The following USH2A variants were observed in gnomAD, a reference collection of about 807,000 sequenced individuals.
USH2A encodes Usher syndrome 2A (autosomal recessive, mild).
USH2A carries 443 observed loss-of-function variants against 538.9 expected under a neutral mutation model. That is an observed-to-expected ratio of 0.82 (90% CI 0.76 to 0.89). The LOEUF is 0.89. Ranked by LOEUF, USH2A falls within the 40% of genes least tolerant of loss-of-function variation. The pLI is 0.00. For synonymous variants in USH2A, 2,413 were observed against 2,273.5 expected, an observed-to-expected ratio of 1.06 and a Z score of -1.75; for missense variants, 6,633 against 6,324.8, an observed-to-expected ratio of 1.05 and a Z score of -1.65.
chr1:215,840,919 A>G (rs1466475006), intron 46 of USH2A, among the ~76,000 whole-genome samples: 8 of 152,198 alleles, frequency 5.3e-5, no homozygotes, highest in South Asian at 2.1e-4. Flanking sequence ...GTCTACCTGC[A>G]TACATGGACT....
chr1:215,685,312 A>G (rs1020849891), intron 61 of USH2A, among the ~76,000 whole-genome samples: 1 of 146,550 alleles, frequency 6.8e-6, no homozygotes, highest in Non-Finnish European at 1.5e-5. Flanking sequence ...GTCTAATACT[A>G]TTTTGCAAAA....
chr1:215,813,820 T>C lies in USH2A; in HGVS notation c.9655A>G (p.Thr3219Ala), dbSNP rs776395355. The change falls in exon 49 of 72, where the codon ACT (threonine) becomes GCT (alanine). Residue 3219 changes from threonine (T) to alanine (A), a missense_variant. Coordinates refer to ENST00000307340, the MANE Select transcript of USH2A (RefSeq NM_206933.4). ...EKYIPFVLNS[T>A]GVCCGGRIQE... ...ATTCGGCCACCACAACAAACTCCAGTAGAATTCAGAACAAACGGGATATAC... is the reference window on the plus strand; with the variant it reads ...ATTCGGCCACCACAACAAACTCCAGCAGAATTCAGAACAAACGGGATATAC... 12 of 1,613,786 alleles carry C rather than the reference T, an allele frequency of 7.4e-6. No homozygotes were observed. In the Admixed American group the frequency reaches 1.0e-4, roughly 13 times the overall value.
intron 49 of USH2A, among the ~76,000 whole-genome samples, chr1:215,804,272 A>T (rs978370150): frequency 2.0e-5 from 3 of 152,074 alleles, no homozygotes; most frequent in East Asian, 1.9e-4. Flanking sequence ...ACAAAAGCCA[A>T]AATTGACAAA....
intron 60 of USH2A, among the ~76,000 whole-genome samples, chr1:215,740,617 C>G (rs1428609536): frequency 6.6e-6 from 1 of 152,130 alleles, no homozygotes; most frequent in Non-Finnish European, 1.5e-5. Context: ...ACTTTTTAAT[C>G]TCTACATAAT....
chr1:216,374,293 A>T (rs1181474581), intron 3 of USH2A, among the ~76,000 whole-genome samples: 1 of 151,574 alleles, frequency 6.6e-6, no homozygotes, highest in Non-Finnish European at 1.5e-5. Flanking sequence ...CGACCCAAAA[A>T]AAAAAAGAGT....
At chr1:215,806,958 A>T (rs1050309723) in intron 49 of USH2A, among the ~76,000 whole-genome samples, 1 of 151,998 alleles carries the variant, frequency 6.6e-6, no homozygotes, top group African/African-American at 2.4e-5. Context: ...CTTAATTCTC[A>T]CAACTGCTTA....
intron 44 of USH2A, among the ~76,000 whole-genome samples, chr1:215,863,755 A>G (rs1664391884): frequency 1.3e-5 from 2 of 152,106 alleles, no homozygotes; most frequent in Admixed American, 6.6e-5. Context: ...AGAGAGGATC[A>G]CTTGAGCCCA....
At chr1:216,287,043 G>A (rs1341308535) in intron 11 of USH2A, among the ~76,000 whole-genome samples, 1 of 152,018 alleles carries the variant, frequency 6.6e-6, no homozygotes, top group African/African-American at 2.4e-5. Flanking sequence ...AAAATCCTTA[G>A]CAAAATTTTA....
chr1:215,946,177 G>C (rs1367481938), intron 37 of USH2A, among the ~76,000 whole-genome samples: 1 of 152,090 alleles, frequency 6.6e-6, no homozygotes, highest in Non-Finnish European at 1.5e-5. Context: ...TGGACCTATA[G>C]ATCCAAACTA....
At chr1:216,405,557 C>G (rs905167646) in intron 3 of USH2A, among the ~76,000 whole-genome samples, 3 of 152,080 alleles carry the variant, frequency 2.0e-5, no homozygotes, top group African/African-American at 7.2e-5. Flanking sequence ...TTAAATGCTA[C>G]AAAGGATGTG....
chr1:216,216,767 T>A (rs1436969027), intron 15 of USH2A, among the ~76,000 whole-genome samples: 1 of 152,132 alleles, frequency 6.6e-6, no homozygotes, highest in Non-Finnish European at 1.5e-5. Flanking sequence ...TACTTACATG[T>A]AATCTTAGGC....
intron 21 of USH2A, among the ~76,000 whole-genome samples, chr1:216,160,838 G>A (rs1360391772): frequency 6.6e-6 from 1 of 151,904 alleles, no homozygotes; most frequent in African/African-American, 2.4e-5. Context: ...ATATTAGATG[G>A]GGATTTATAT....
chr1:216,399,642 C>T lies in USH2A; in HGVS notation c.651+18872G>A, dbSNP rs115796337. ...CAGAGACCAGCAGGAAGCTCAGCTTCCACCCCTACCCTGCAGCAACAAAGT... is the reference window on the plus strand; with the variant it reads ...CAGAGACCAGCAGGAAGCTCAGCTTTCACCCCTACCCTGCAGCAACAAAGT... On this transcript the variant is annotated intron_variant, in intron 3 of 71. Coordinates refer to ENST00000307340, the MANE Select transcript of USH2A (RefSeq NM_206933.4). 4.8e-3 allele frequency among the ~76,000 whole-genome samples: 726 copies of T among 152,250 alleles called. 3 individuals carry two copies. The highest frequency in any genetic ancestry group is 0.017 in the African/African-American group (696 of 41,538).
chr1:216,297,988 C>T (rs917577862), intron 9 of USH2A, among the ~76,000 whole-genome samples: 2 of 152,176 alleles, frequency 1.3e-5, no homozygotes, highest in African/African-American at 4.8e-5. Flanking sequence ...GTTCAATTAG[C>T]CATGCAATTT....
At chr1:215,829,162 A>T (rs1444657192) in intron 47 of USH2A, among the ~76,000 whole-genome samples, 2 of 152,198 alleles carry the variant, frequency 1.3e-5, no homozygotes, top group Non-Finnish European at 2.9e-5. Context: ...AGTATGGAAA[A>T]TGCAATGTAG....
chr1:215,990,527 G>A (rs1226504933), intron 35 of USH2A, among the ~76,000 whole-genome samples: 3 of 152,170 alleles, frequency 2.0e-5, no homozygotes, highest in Non-Finnish European at 4.4e-5. Context: ...TTAGCATCTG[G>A]TGGGAGTGTT....
intron 69 of USH2A, 143 bp from the exon 70 acceptor site, chr1:215,634,846 C>T: frequency 1.4e-6 from 2 of 1,402,482 alleles, no homozygotes. Context: ...CACTTGTGTG[C>T]AGCCTGGGGT....
intron 32 of USH2A, among the ~76,000 whole-genome samples, chr1:216,012,878 C>T (rs546771456): frequency 6.6e-6 from 1 of 152,156 alleles, no homozygotes; most frequent in East Asian, 1.9e-4. Context: ...TTAGACTGTG[C>T]CCCAAAAAAA....
chr1:216,342,084 C>T (rs1300924483), intron 4 of USH2A, among the ~76,000 whole-genome samples: 10 of 152,008 alleles, frequency 6.6e-5, no homozygotes, highest in African/African-American at 9.7e-5. Flanking sequence ...AGAAAATTTT[C>T]GCAACCCATC....
Sources: allele counts gnomAD v4.1 joint callset (sites outside exome capture counted in the v4.1 genomes callset), GRCh38; gene constraint gnomAD v4.1.1; transcripts MANE v1.5; gene names NCBI Gene and HGNC (gene_info 2026-07-23, HGNC 2026-07-21).